The following CSMD1 variants were observed in gnomAD, a reference collection of about 807,000 sequenced individuals.
CSMD1 encodes the protein CUB and sushi domain-containing protein 1.
A neutral mutation model predicts 417.5 loss-of-function variants in CSMD1; 213 were observed. That is an observed-to-expected ratio of 0.51 (90% CI 0.46 to 0.57). The LOEUF (loss-of-function observed/expected upper bound fraction) is 0.57, where lower values mean the gene tolerates loss of function less well. Among genes scored for constraint, CSMD1 ranks in the 20% least tolerant of loss-of-function variants. The pLI is 0.00. For missense variants in CSMD1, 6,923 were observed against 4,529.7 expected, an observed-to-expected ratio of 1.53 and a Z score of -15.17; for synonymous variants, 2,862 against 1,736.8, an observed-to-expected ratio of 1.65 and a Z score of -16.11.
chr8:4,286,837 T>C (rs1471066576), intron 3 of CSMD1, among the ~76,000 whole-genome samples: 1 of 152,202 alleles, frequency 6.6e-6, no homozygotes, highest in Non-Finnish European at 1.5e-5. Context: ...GCTGTTGCTG[T>C]TTGTTATTAG....
At chr8:3,659,347 T>G (rs765556116) in intron 7 of CSMD1, among the ~76,000 whole-genome samples, 10 of 152,228 alleles carry the variant, frequency 6.6e-5, no homozygotes, top group Non-Finnish European at 1.3e-4. Context: ...ATTTTGCACT[T>G]GCCAATCTAG....
At chr8:4,955,829 T>G (rs897806976) in intron 1 of CSMD1, among the ~76,000 whole-genome samples, 1 of 144,832 alleles carries the variant, frequency 6.9e-6, no homozygotes, top group African/African-American at 2.5e-5. Flanking sequence ...AATATTTAGG[T>G]CGTAGAAATT....
At chr8:4,140,592 C>T (rs374137598) in intron 3 of CSMD1, among the ~76,000 whole-genome samples, 5 of 150,964 alleles carry the variant, frequency 3.3e-5, no homozygotes, top group African/African-American at 5.0e-5. Flanking sequence ...TGCTTGAACC[C>T]AAGAGGTCAA....
intron 21 of CSMD1, 38 bp downstream of exon 21, chr8:3,359,114 C>G (rs1808988768): frequency 6.2e-7 from 1 of 1,603,982 alleles, no homozygotes. Flanking sequence ...AGACCCTGCC[C>G]CCATGGATGA....
At chr8:4,704,117 C>T (rs55808862) in intron 1 of CSMD1, among the ~76,000 whole-genome samples, 2 of 152,304 alleles carry the variant, frequency 1.3e-5, no homozygotes, top group African/African-American at 4.8e-5. Context: ...TACAGGCCTT[C>T]ATCCAAGGCA....
At chr8:4,397,982 G>A (rs1228151855) in intron 3 of CSMD1, among the ~76,000 whole-genome samples, 2 of 152,130 alleles carry the variant, frequency 1.3e-5, no homozygotes, top group Non-Finnish European at 2.9e-5. Flanking sequence ...AAAAGACTTA[G>A]ATGATTTTTA....
chr8:3,374,130 T>A (rs1810157833), intron 18 of CSMD1, among the ~76,000 whole-genome samples: 1 of 151,960 alleles, frequency 6.6e-6, no homozygotes, highest in African/African-American at 2.4e-5. Flanking sequence ...TTTTTTGTAT[T>A]TTTAGTAGAG....
chr8:4,094,265 G>T (rs1003705769), intron 3 of CSMD1, among the ~76,000 whole-genome samples: 18 of 152,090 alleles, frequency 1.2e-4, no homozygotes, highest in Admixed American at 8.5e-4. Flanking sequence ...AATCAGGGGT[G>T]ATCTACTGGG....
intron 4 of CSMD1, among the ~76,000 whole-genome samples, chr8:4,017,297 A>T (rs932580950): frequency 6.6e-6 from 1 of 152,028 alleles, no homozygotes; most frequent in African/African-American, 2.4e-5. Context: ...CAAATGCCAC[A>T]TAATTTCTTT....
At chr8:3,812,503 C>T (rs146764251) in intron 5 of CSMD1, among the ~76,000 whole-genome samples, 1 of 152,172 alleles carries the variant, frequency 6.6e-6, no homozygotes, top group African/African-American at 2.4e-5. Context: ...TTTCACAACA[C>T]TGAAAAACAG....
chr8:3,163,222 T>C lies in CSMD1; in HGVS notation c.5726-945A>G, dbSNP rs532962589. Among the ~76,000 whole-genome samples the C allele has an allele frequency of 2.0e-4, 31 of 152,242 alleles. 1 individual carries two copies. Among genetic ancestry groups the C allele is most frequent in the African/African-American group, 7.0e-4 (29 of 41,552 alleles). On this transcript the variant is annotated intron_variant, in intron 37 of 69. Coordinates refer to ENST00000635120, the MANE Select transcript of CSMD1 (RefSeq NM_033225.6). Reference sequence around the variant, plus strand: ...TAATTTATTCCATTATTCTAACATGTCATGAAGAAATAGTGGAGAAAGGCT... The same window carrying C: ...TAATTTATTCCATTATTCTAACATGCCATGAAGAAATAGTGGAGAAAGGCT...
At chr8:4,970,176 A>C (rs181317165) in intron 1 of CSMD1, among the ~76,000 whole-genome samples, 3 of 152,262 alleles carry the variant, frequency 2.0e-5, no homozygotes, top group African/African-American at 7.2e-5. Context: ...TACACAGTGT[A>C]GAGGGAGAAC....
chr8:4,060,981 GC>G (rs1344606652), intron 3 of CSMD1, among the ~76,000 whole-genome samples: 1 of 152,148 alleles, frequency 6.6e-6, no homozygotes, highest in Non-Finnish European at 1.5e-5. Context: ...AAGACAAGCT[GC>G]TTGTGAGCAA....
chr8:4,815,160 A>C (rs551715246), intron 1 of CSMD1, among the ~76,000 whole-genome samples: 67 of 152,288 alleles, frequency 4.4e-4, no homozygotes, highest in African/African-American at 1.6e-3. Flanking sequence ...GGAACGTGTA[A>C]TAATGAATGT....
At chr8:4,833,866 T>C (rs1800296872) in intron 1 of CSMD1, among the ~76,000 whole-genome samples, 1 of 152,194 alleles carries the variant, frequency 6.6e-6, no homozygotes, top group Admixed American at 6.5e-5. Context: ...TGTACTCTAG[T>C]GAAGGTTGTA....
intron 26 of CSMD1, among the ~76,000 whole-genome samples, chr8:3,265,407 T>A (rs911224832): frequency 1.3e-5 from 2 of 152,072 alleles, no homozygotes; most frequent in Non-Finnish European, 2.9e-5. Flanking sequence ...GGGGGGAGTG[T>A]AAGAATCATA....
At chr8:3,611,222 T>G (rs1314010028) in intron 8 of CSMD1, among the ~76,000 whole-genome samples, 1 of 148,816 alleles carries the variant, frequency 6.7e-6, no homozygotes, top group Non-Finnish European at 1.5e-5. Context: ...CCCTAAAAAC[T>G]TAAAGTATAA....
At position 4,931,537 on chromosome 8, in the gene CSMD1, G is replaced by A. The variant is rs116210989; in HGVS notation, c.85+62795C>T. 6.7e-3 allele frequency among the ~76,000 whole-genome samples: 1,022 copies of A among 152,006 alleles called. 8 individuals carry two copies. Among genetic ancestry groups the A allele is most frequent in the African/African-American group, 0.024 (977 of 41,502 alleles). Reference sequence around the variant, plus strand: ...ATGAACCATCCAACGCAAGGTGACTGCCTTGGAGGATCACCCAGACTATAG... The same window carrying A: ...ATGAACCATCCAACGCAAGGTGACTACCTTGGAGGATCACCCAGACTATAG... On this transcript the variant is annotated intron_variant, in intron 1 of 69. Coordinates refer to ENST00000635120, the MANE Select transcript of CSMD1 (RefSeq NM_033225.6).
chr8:4,430,821 G>C (rs1349366957), intron 2 of CSMD1, among the ~76,000 whole-genome samples: 1 of 152,068 alleles, frequency 6.6e-6, no homozygotes, highest in South Asian at 2.1e-4. Flanking sequence ...CCTGTCAATT[G>C]TCACTGCAAA....
Sources: allele counts gnomAD v4.1 joint callset (sites outside exome capture counted in the v4.1 genomes callset), GRCh38; gene constraint gnomAD v4.1.1; transcripts MANE v1.5; gene names NCBI Gene and HGNC (gene_info 2026-07-23, HGNC 2026-07-21).